NUP188: variants seen among roughly 807,000 people sequenced by gnomAD.
NUP188 encodes the protein nucleoporin 188.
In NUP188, 97 loss-of-function variants were observed where a neutral mutation model predicts 223.0. The ratio of observed to expected loss-of-function variants is 0.43; its 90% CI spans 0.37 to 0.51. The LOEUF is 0.51. Among genes scored for constraint, NUP188 ranks in the 20% least tolerant of loss-of-function variants. The probability of loss-of-function intolerance (pLI) is 0.00; values close to 1 mark genes in which losing one functional copy is unlikely to be tolerated. For synonymous variants in NUP188, 869 were observed against 828.0 expected (o/e 1.05, Z -0.85); for missense variants, 1,947 against 2,175.6 (o/e 0.89, Z 2.09).
chr9:128,989,330 A>C (rs1173928778), intron 24 of NUP188, among the ~76,000 whole-genome samples: 1 of 151,834 alleles, frequency 6.6e-6, no homozygotes, highest in Non-Finnish European at 1.5e-5. Context: ...GAAGCTTGGC[A>C]GGTCAAAGCT....
At chr9:128,980,094 C>G (rs1270717190) in intron 13 of NUP188, among the ~76,000 whole-genome samples, 2 of 152,214 alleles carry the variant, frequency 1.3e-5, no homozygotes, top group Admixed American at 6.5e-5. Flanking sequence ...AGAACAATTT[C>G]TCACCAGTAC....
intron 1 of NUP188, chr9:128,948,208 A>G (rs1841718943): frequency 6.3e-6 from 1 of 157,920 alleles, no homozygotes; most frequent in African/African-American, 2.4e-5. Flanking sequence ...CTCTCCCGCG[A>G]TCTGTTCTTG....
intron 8 of NUP188, among the ~76,000 whole-genome samples, chr9:128,963,054 T>C (rs1367624145): frequency 6.6e-6 from 1 of 152,218 alleles, no homozygotes; most frequent in Non-Finnish European, 1.5e-5. Flanking sequence ...TATCATATAC[T>C]AGTACTTCAT....
rs144956752 is a variant in NUP188, at chr9:129,005,136, G to A, written c.4435-11G>A. ...AAGAGAATCCGCTCATCTCTCCTGT[G>A]TCTCTCCCAGGTCAACCTGGGTTAC... On this transcript the variant is annotated splice_polypyrimidine_tract_variant and intron_variant, in intron 38 of 43. Transcript: ENST00000372577. 6.2e-7 allele frequency: 1 copy of A among 1,610,992 alleles called. No homozygotes were observed. The highest frequency in any genetic ancestry group is 2.2e-5 in the East Asian group (1 of 44,850).
chr9:128,990,064 C>G, intron 24 of NUP188, 56 bp from the exon 25 acceptor site: 2 of 1,336,838 alleles, frequency 1.5e-6, no homozygotes, highest in Non-Finnish European at 2.2e-6. Flanking sequence ...AGTCAGTGCT[C>G]TAAGGACTTG....
At chr9:128,989,501 C>G (rs920788259) in intron 24 of NUP188, among the ~76,000 whole-genome samples, 9 of 152,242 alleles carry the variant, frequency 5.9e-5, no homozygotes, top group African/African-American at 2.2e-4. Flanking sequence ...GAGTTTGAGA[C>G]CAGCCTGGCC....
intron 34 of NUP188, 40 bp from the exon 35 acceptor site, chr9:129,001,489 C>G (rs373260968): frequency 6.3e-7 from 1 of 1,591,734 alleles, no homozygotes; most frequent in Non-Finnish European, 8.6e-7. Flanking sequence ...TCCTCCTCCT[C>G]TTCTTCTTCC....
At chr9:128,957,387 A>G (rs1272652773) in intron 5 of NUP188, among the ~76,000 whole-genome samples, 1 of 152,190 alleles carries the variant, frequency 6.6e-6, no homozygotes, top group East Asian at 1.9e-4. Context: ...CTGTCTTCAT[A>G]CTTGGAGGAG....
chr9:128,960,407 G>A (rs536279860), intron 8 of NUP188, among the ~76,000 whole-genome samples: 1 of 151,912 alleles, frequency 6.6e-6, no homozygotes, highest in South Asian at 2.1e-4. Context: ...TGCATCTATC[G>A]ATTATAGCAT....
intron 2 of NUP188, among the ~76,000 whole-genome samples, chr9:128,951,444 A>C (rs1235541526): frequency 1.3e-5 from 2 of 152,024 alleles, no homozygotes; most frequent in South Asian, 2.1e-4. Flanking sequence ...GCATCACTGC[A>C]CTCCAGCCTG....
intron 12 of NUP188, among the ~76,000 whole-genome samples, chr9:128,977,117 ATTTT>A (rs745918158): frequency 2.4e-5 from 3 of 125,000 alleles, no homozygotes; most frequent in Non-Finnish European, 1.7e-5. Context: ...TGGTACTTGG[ATTTT>A]TTTTTTTTTT....
intron 18 of NUP188, 40 bp from the exon 19 acceptor site, chr9:128,983,434 G>A: frequency 1.2e-6 from 2 of 1,605,164 alleles, no homozygotes; most frequent in Non-Finnish European, 1.7e-6. Context: ...GCACATACCT[G>A]AAGATATGTG....
intron 12 of NUP188, among the ~76,000 whole-genome samples, chr9:128,976,788 A>G (rs1226561632): frequency 3.3e-5 from 5 of 151,688 alleles, no homozygotes; most frequent in African/African-American, 1.2e-4. Flanking sequence ...TGGTATTAAC[A>G]TATTAGGGCC....
intron 6 of NUP188, among the ~76,000 whole-genome samples, chr9:128,958,406 T>G (rs566789024): frequency 1.8e-3 from 277 of 152,356 alleles, no homozygotes; most frequent in African/African-American, 6.4e-3. Context: ...AATTTGTGAC[T>G]TCTGAAGAAG....
intron 22 of NUP188, 37 bp from the exon 23 acceptor site, chr9:128,987,552 T>A (rs1419588678): frequency 8.2e-6 from 13 of 1,593,260 alleles, no homozygotes; most frequent in African/African-American, 1.3e-5. Context: ...ATACACTGAG[T>A]GGCTCCCTGG....
intron 1 of NUP188, 152 bp downstream of exon 1, chr9:128,947,903 C>A: frequency 1.6e-6 from 1 of 610,252 alleles, no homozygotes; most frequent in Non-Finnish European, 2.4e-6. Context: ...GCGGTTACGT[C>A]CAAACGGTCC....
intron 22 of NUP188, 121 bp downstream of exon 22, chr9:128,986,996 T>A (rs1842342345): frequency 2.6e-6 from 2 of 778,414 alleles, no homozygotes; most frequent in Non-Finnish European, 4.2e-6. Context: ...AACTCAGTAA[T>A]CTTGAGGTTG....
chr9:128,957,009 A>G lies in NUP188; in HGVS notation c.304A>G (p.Arg102Gly), dbSNP rs1372473125. Residue 102 changes from arginine (R) to glycine (G), a missense_variant, in exon 5 of 44, where the codon AGG becomes GGG. Transcript: ENST00000372577. ...LLQCYLQEDY[R>G]GTRDSVKTVL... The stretch of plus-strand genomic sequence containing the variant: ...CCAGTGTTACCTGCAAGAGGACTAC[A>G]GGGGTACTCGGGACTCAGTAAAGGT... 2 of 1,612,446 alleles carry G rather than the reference A, an allele frequency of 1.2e-6. No homozygotes were observed. The highest frequency in any genetic ancestry group is 4.5e-5 in the East Asian group (2 of 44,822).
At chr9:128,995,641 A>T (rs1490461980) in intron 30 of NUP188, 127 bp downstream of exon 30, 1 of 798,052 alleles carries the variant, frequency 1.3e-6, no homozygotes, top group Non-Finnish European at 2.0e-6. Flanking sequence ...CTAAACTGTA[A>T]TAGGTTCTAT....
Sources: allele counts gnomAD v4.1 joint callset (sites outside exome capture counted in the v4.1 genomes callset), GRCh38; gene constraint gnomAD v4.1.1; transcripts MANE v1.5; gene names NCBI Gene and HGNC (gene_info 2026-07-23, HGNC 2026-07-21).